Variants in SPOCK3 observed in about 807,000 individuals in gnomAD.
SPOCK3 encodes SPARC (osteonectin), cwcv and kazal like domains proteoglycan 3.
In SPOCK3, 30 loss-of-function variants were observed where a neutral mutation model predicts 56.6. That is an observed-to-expected ratio of 0.53 (90% CI 0.40 to 0.72). The LOEUF (loss-of-function observed/expected upper bound fraction) is 0.72. Among genes scored for constraint, SPOCK3 ranks in the 30% least tolerant of loss-of-function variants. The probability of loss-of-function intolerance (pLI) is 0.00; values close to 1 mark genes in which losing one functional copy is unlikely to be tolerated. For missense variants in SPOCK3, 527 were observed against 530.0 expected (o/e 0.99, Z 0.06); for synonymous variants, 196 against 183.3 (o/e 1.07, Z -0.56).
Position 166,910,377 on chromosome 4 carries a change from A to G in SPOCK3, c.474+2243T>C, listed in dbSNP as rs557049903. On this transcript the variant is annotated intron_variant, in intron 5 of 10. Transcript: ENST00000357545. ...AATTCAAATATGGATTATCTATAAG[A>G]TTGGTTTTGTTGATACTACTAATAA... 2.0e-4 allele frequency among the ~76,000 whole-genome samples: 31 copies of G among 152,242 alleles called. No homozygotes were observed. The East Asian group carries it at 5.4e-3, about 27-fold the overall frequency.
At chr4:166,812,915 G>T (rs1163511035) in intron 6 of SPOCK3, among the ~76,000 whole-genome samples, 2 of 151,872 alleles carry the variant, frequency 1.3e-5, no homozygotes, top group Admixed American at 6.6e-5. Context: ...TTGGGGGGTT[G>T]GTGGGAGTTT....
chr4:166,851,848 G>A (rs1435071782), intron 6 of SPOCK3, among the ~76,000 whole-genome samples: 11 of 151,892 alleles, frequency 7.2e-5, no homozygotes, highest in South Asian at 6.2e-4. Context: ...ACATGCACAC[G>A]TATGTTTATT....
At chr4:166,852,297 AAAT>A (rs959675995) in intron 6 of SPOCK3, among the ~76,000 whole-genome samples, 4 of 151,788 alleles carry the variant, frequency 2.6e-5, no homozygotes, top group Non-Finnish European at 4.4e-5. Context: ...TAAAGTATAA[AAAT>A]AATAATAATA....
At chr4:167,035,523 A>G (rs1580075540) in intron 3 of SPOCK3, among the ~76,000 whole-genome samples, 3 of 152,256 alleles carry the variant, frequency 2.0e-5, no homozygotes, top group Admixed American at 6.5e-5. Flanking sequence ...AACAGCTCCA[A>G]ATTTAACACA....
intron 3 of SPOCK3, among the ~76,000 whole-genome samples, chr4:167,028,806 G>A (rs2150176728): frequency 6.6e-6 from 1 of 152,108 alleles, no homozygotes; most frequent in South Asian, 2.1e-4. Context: ...TTGTTTTTAA[G>A]TGGTAACATA....
intron 3 of SPOCK3, among the ~76,000 whole-genome samples, chr4:167,040,247 G>A (rs1753126354): frequency 6.6e-6 from 1 of 152,158 alleles, no homozygotes; most frequent in Admixed American, 6.6e-5. Context: ...TAATATGATG[G>A]TGAAAAGTAG....
intron 5 of SPOCK3, among the ~76,000 whole-genome samples, chr4:166,909,840 T>A (rs1254287306): frequency 6.6e-6 from 1 of 152,156 alleles, no homozygotes; most frequent in Non-Finnish European, 1.5e-5. Flanking sequence ...AGAAGAAAGA[T>A]CTTGTGATCT....
intron 4 of SPOCK3, among the ~76,000 whole-genome samples, chr4:166,993,067 T>C (rs1747971786): frequency 6.6e-6 from 1 of 152,266 alleles, no homozygotes; most frequent in South Asian, 2.1e-4. Context: ...GTATACAAGA[T>C]TCAGAAGTAT....
At chr4:166,808,815 C>T (rs1743460300) in intron 6 of SPOCK3, among the ~76,000 whole-genome samples, 1 of 152,024 alleles carries the variant, frequency 6.6e-6, no homozygotes, top group Non-Finnish European at 1.5e-5. Context: ...TCCTCATCTA[C>T]AAACAGAGGC....
chr4:166,910,035 T>A (rs935114156), intron 5 of SPOCK3, among the ~76,000 whole-genome samples: 4 of 152,108 alleles, frequency 2.6e-5, no homozygotes, highest in African/African-American at 9.7e-5. Flanking sequence ...TAATTTGAGA[T>A]TCAAATCAAA....
At chr4:167,127,406 T>G (rs1161544371) in intron 2 of SPOCK3, among the ~76,000 whole-genome samples, 1 of 151,840 alleles carries the variant, frequency 6.6e-6, no homozygotes, top group East Asian at 1.9e-4. Context: ...AAAAGGTTGT[T>G]GGGGAAAAGA....
intron 2 of SPOCK3, among the ~76,000 whole-genome samples, chr4:167,186,105 T>C (rs966731580): frequency 6.6e-5 from 10 of 152,176 alleles, no homozygotes; most frequent in African/African-American, 2.4e-4. Flanking sequence ...TCCCATAGTA[T>C]GTAGAGTTTC....
intron 2 of SPOCK3, among the ~76,000 whole-genome samples, chr4:167,169,759 C>T (rs1007888890): frequency 6.6e-6 from 1 of 151,824 alleles, no homozygotes; most frequent in Non-Finnish European, 1.5e-5. Context: ...TAGCTGTGTC[C>T]CCACCCAAAT....
At chr4:166,792,398 A>C in intron 6 of SPOCK3, 109 bp from the exon 7 acceptor site, 1 of 1,165,550 alleles carries the variant, frequency 8.6e-7, no homozygotes, top group Non-Finnish European at 1.2e-6. Context: ...TAAAAGAAAA[A>C]GGTGTGACTG....
At chr4:167,191,161 T>C (rs1425854852) in intron 2 of SPOCK3, among the ~76,000 whole-genome samples, 1 of 146,152 alleles carries the variant, frequency 6.8e-6, no homozygotes, top group Non-Finnish European at 1.5e-5. Context: ...TTTCTATTTC[T>C]GTGAAAAATG....
At chr4:167,184,487 C>A (rs956830763) in intron 2 of SPOCK3, among the ~76,000 whole-genome samples, 9 of 152,092 alleles carry the variant, frequency 5.9e-5, no homozygotes, top group Non-Finnish European at 2.9e-5. Flanking sequence ...AGCCAGGTAC[C>A]ACTGCAGGAA....
intron 7 of SPOCK3, among the ~76,000 whole-genome samples, chr4:166,766,579 A>T (rs1738090151): frequency 6.6e-6 from 1 of 152,066 alleles, no homozygotes; most frequent in Non-Finnish European, 1.5e-5. Context: ...GTGCTGCTGG[A>T]TTCGGTTTGC....
At chr4:167,234,212 C>G in intron 1 of SPOCK3, 39 bp from the exon 2 acceptor site, 1 of 1,604,628 alleles carries the variant, frequency 6.2e-7, no homozygotes, top group Non-Finnish European at 8.5e-7. Context: ...GGGGGCATGT[C>G]AGTGTCAAAT....
intron 7 of SPOCK3, among the ~76,000 whole-genome samples, chr4:166,782,909 A>G (rs756116933): frequency 4.6e-5 from 7 of 152,212 alleles, no homozygotes; most frequent in Non-Finnish European, 1.0e-4. Flanking sequence ...GTCAAAATAG[A>G]AAGGATGTAG....
Sources: allele counts gnomAD v4.1 joint callset (sites outside exome capture counted in the v4.1 genomes callset), GRCh38; gene constraint gnomAD v4.1.1; transcripts MANE v1.5; gene names NCBI Gene and HGNC (gene_info 2026-07-23, HGNC 2026-07-21).